Variants in TAB2 observed in about 807,000 individuals in gnomAD.
The protein encoded by TAB2 is TGF-beta-activated kinase 1 and MAP3K7-binding protein 2.
A neutral mutation model predicts 65.0 loss-of-function variants in TAB2; 3 were observed. The observed-to-expected ratio is 0.05, with a 90% CI of 0.02 to 0.12. The LOEUF is 0.12. TAB2 is among the 10% of genes least tolerant of loss of function. The probability of loss-of-function intolerance (pLI) is 1.00; values close to 1 mark genes in which losing one functional copy is unlikely to be tolerated. For missense variants in TAB2, 623 were observed against 840.3 expected (o/e 0.74, Z 3.20); for synonymous variants, 298 against 285.1 (o/e 1.05, Z -0.46).
rs541687097 is a variant in TAB2, at chr6:149,362,479, A to G, written c.-89-7430A>G. On this transcript the variant is annotated intron_variant, in intron 1 of 6. Transcript: ENST00000637181. ...AGGACAGCGCTAAGGGGATGGCACT[A>G]AACCACTTATGAGAAATCCGTCTCC... is the stretch of plus-strand genomic sequence containing the variant. Among the ~76,000 whole-genome samples the G allele has an allele frequency of 1.1e-4, 17 of 152,282 alleles. No homozygotes were observed. In the East Asian group the frequency reaches 3.3e-3, roughly 29 times the overall value.
At chr6:149,230,872 G>A (rs1426784961) in intron 1 of TAB2, among the ~76,000 whole-genome samples, 1 of 152,230 alleles carries the variant, frequency 6.6e-6, no homozygotes, top group Non-Finnish European at 1.5e-5. Flanking sequence ...TCTATGGTCA[G>A]GCTGCTATTC....
intron 1 of TAB2, among the ~76,000 whole-genome samples, chr6:149,326,271 CA>C (rs59070515): frequency 0.54 from 66,792 of 123,406 alleles, 16,970 homozygotes; most frequent in Middle Eastern, 0.66. Context: ...GACCCCATCT[CA>C]AAAAAAAAAA....
At position 149,276,082 on chromosome 6, in the gene TAB2, G is replaced by A. The variant is rs374314450; in HGVS notation, c.-121+57306G>A. Reference sequence around the variant, plus strand: ...ATAGTAACAAATACGCCACACCAGCGTAAGAGGTTAATAATAGGGAAAACT... The same window carrying A: ...ATAGTAACAAATACGCCACACCAGCATAAGAGGTTAATAATAGGGAAAACT... On this transcript the variant is annotated intron_variant, in intron 1 of 1. Coordinates refer to the TAB2 transcript ENST00000606202. 5.9e-5 allele frequency among the ~76,000 whole-genome samples: 9 copies of A among 152,046 alleles called. No homozygotes were observed. In the South Asian group the frequency reaches 1.5e-3, roughly 25 times the overall value.
At position 149,293,434 on chromosome 6, in the gene TAB2, G is replaced by A. The variant is rs574539883; in HGVS notation, c.-121+74658G>A. ...AAGCTGTCATTAATTCACTTCTTAT[G>A]TGTGTTGCTATTGTTTATTTGCATG... On this transcript the variant is annotated intron_variant, in intron 1 of 1. Coordinates refer to the TAB2 transcript ENST00000606202. Among the ~76,000 whole-genome samples, 4 of 152,262 alleles carry A rather than the reference G, an allele frequency of 2.6e-5. No homozygotes were observed. The South Asian group carries it at 8.3e-4, about 32-fold the overall frequency.
chr6:149,247,984 G>C (rs1777761168), intron 1 of TAB2: 1 of 152,162 alleles, frequency 6.6e-6, no homozygotes, highest in Admixed American at 6.5e-5. Flanking sequence ...CTAGATGGTG[G>C]GTTGATAGGT....
At chr6:149,312,528 A>G (rs1457021595) in intron 1 of TAB2, among the ~76,000 whole-genome samples, 2 of 152,062 alleles carry the variant, frequency 1.3e-5, no homozygotes, top group Admixed American at 1.3e-4. Flanking sequence ...ACGCCCGACT[A>G]ATTTTTGTAC....
At chr6:149,342,742 T>C (rs1449786888) in intron 1 of TAB2, 2 of 152,190 alleles carry the variant, frequency 1.3e-5, no homozygotes, top group Non-Finnish European at 2.9e-5. Context: ...AGAGATGAGC[T>C]CACTGCAGTT....
chr6:149,378,048 G>C lies in TAB2; in HGVS notation c.133G>C (p.Val45Leu), dbSNP rs756880559. Residue 45 changes from valine (V) to leucine (L), a missense_variant, in exon 3 of 7, where the codon GTT becomes CTT. By Grantham distance (32) the Val-to-Leu change is conservative. Around this residue, in one of 3 missense-constraint regions of TAB2, gnomAD observed 550 missense variants for 665.7 expected, o/e 0.83. Coordinates refer to ENST00000637181, the MANE Select transcript of TAB2 (RefSeq NM_001292034.3). ...TAATAACCTGGATGCCTGCTGTGCT[G>C]TTCTCTCTCAGGAGAGTACAAGATA... ...NNNNLDACCAVLSQESTRYLY... is the reference protein window; with the variant it reads ...NNNNLDACCALLSQESTRYLY... The C allele has an allele frequency of 6.2e-7, 1 of 1,614,044 alleles. No homozygotes were observed. Among genetic ancestry groups the C allele is most frequent in the African/African-American group, 1.3e-5 (1 of 75,028 alleles).
At position 149,409,966 on chromosome 6, in the gene TAB2, TAC is replaced by T; in HGVS notation, c.*249_*250del. On this transcript the variant is annotated 3_prime_UTR_variant, in exon 7 of 7. Coordinates refer to ENST00000637181, the MANE Select transcript of TAB2 (RefSeq NM_001292034.3). ...CTTGGTTGCCCACTGCCTAACTGTG[TAC>T]AGTGTTACCAGTGTCCCATTATGGA... The T allele has an allele frequency of 1.8e-6, 1 of 561,264 alleles. No homozygotes were observed. Among genetic ancestry groups the T allele is most frequent in the Non-Finnish European group, 3.2e-6 (1 of 314,042 alleles). 34.8% of individuals were successfully genotyped at this position (561,264 alleles called of 1,614,324 possible). A position where few individuals can be genotyped will look rare whatever the true frequency, so the allele number is the denominator to read the frequency against.
intron 1 of TAB2, among the ~76,000 whole-genome samples, chr6:149,305,980 C>G (rs538622148): frequency 6.6e-6 from 1 of 152,350 alleles, no homozygotes; most frequent in East Asian, 1.9e-4. Flanking sequence ...TTAAGTACCA[C>G]CACAATCAGT....
chr6:149,240,120 T>A (rs1025419297), intron 1 of TAB2, among the ~76,000 whole-genome samples: 1 of 152,234 alleles, frequency 6.6e-6, no homozygotes, highest in African/African-American at 2.4e-5. Flanking sequence ...TTGTGCTATC[T>A]TGATTATTAT....
At chr6:149,366,518 G>C (rs76528205) in intron 1 of TAB2, among the ~76,000 whole-genome samples, 136 of 152,136 alleles carry the variant, frequency 8.9e-4, no homozygotes, top group African/African-American at 3.0e-3. Context: ...TTTTTTATCT[G>C]AGTGTTAGCT....
chr6:149,239,517 A>G (rs1286069919), intron 1 of TAB2, among the ~76,000 whole-genome samples: 1 of 152,276 alleles, frequency 6.6e-6, no homozygotes, highest in African/African-American at 2.4e-5. Flanking sequence ...GCTTTCCACA[A>G]GAAAAGCATA....
At chr6:149,227,091 T>A (rs1777295994) in intron 1 of TAB2, among the ~76,000 whole-genome samples, 1 of 152,182 alleles carries the variant, frequency 6.6e-6, no homozygotes, top group Non-Finnish European at 1.5e-5. Flanking sequence ...TAGGTATAGT[T>A]TTTGCAGGAG....
chr6:149,310,734 A>G (rs2114711791), intron 1 of TAB2, among the ~76,000 whole-genome samples: 1 of 152,344 alleles, frequency 6.6e-6, no homozygotes, highest in African/African-American at 2.4e-5. Flanking sequence ...TATTCAATAC[A>G]TGAAAAAATC....
chr6:149,317,471 C>A, upstream of TAB2: 1 of 167,210 alleles, frequency 6.0e-6, no homozygotes, highest in Non-Finnish European at 1.3e-5. This position sits in a 1 kb window ranked among gnomAD's most constrained non-coding sequence, Gnocchi z 4.7. Flanking sequence ...TAGGGGAGGC[C>A]TCGTCACAGC....
At chr6:149,273,722 T>G (rs530802115) in intron 1 of TAB2, among the ~76,000 whole-genome samples, 5 of 152,342 alleles carry the variant, frequency 3.3e-5, no homozygotes, top group African/African-American at 1.2e-4. Flanking sequence ...ATGAGGAGAT[T>G]GGGATTGTGC....
At chr6:149,375,712 G>A (rs935371234) in intron 2 of TAB2, among the ~76,000 whole-genome samples, 2 of 152,010 alleles carry the variant, frequency 1.3e-5, no homozygotes, top group African/African-American at 2.4e-5. Context: ...AAGCAAAAAG[G>A]GCCAATCAGG....
rs148613700 is a variant in TAB2 at position 149,346,253 on chromosome 6, C to T, written c.-89-23656C>T. 4.6e-3 allele frequency among the ~76,000 whole-genome samples: 704 copies of T among 152,150 alleles called. 4 individuals carry two copies. The highest frequency in any genetic ancestry group is 0.016 in the African/African-American group (675 of 41,482). ...CATACTCCTAGTGCTATTGTGCACACGCCCACGCATGCACGCATGCACACA... is the reference window on the plus strand; with the variant it reads ...CATACTCCTAGTGCTATTGTGCACATGCCCACGCATGCACGCATGCACACA... On this transcript the variant is annotated intron_variant, in intron 1 of 6. Coordinates refer to ENST00000637181, the MANE Select transcript of TAB2 (RefSeq NM_001292034.3).
Sources: gnomAD v4.1 joint callset for allele counts (sites outside exome capture counted in the v4.1 genomes callset) on GRCh38, gnomAD v4.1.1 for gene constraint, gnomAD v4.1.1 regional missense constraint, Gnocchi (gnomAD v3.1) non-coding constraint, MANE v1.5 for transcripts, NCBI Gene and HGNC (gene_info 2026-07-23, HGNC 2026-07-21) for gene names.